RBFOX1: variants seen among roughly 807,000 people sequenced by gnomAD.
The protein encoded by RBFOX1 is RNA binding fox-1 homolog 1.
RBFOX1 carries 8 observed loss-of-function variants against 57.7 expected under a neutral mutation model. The observed-to-expected ratio is 0.14, with a 90% confidence interval of 0.08 to 0.25. The LOEUF (loss-of-function observed/expected upper bound fraction) is 0.25, where lower values mean the gene tolerates loss of function less well. Ranked by LOEUF, RBFOX1 falls within the 10% of genes least tolerant of loss-of-function variation. The pLI is 1.00. For synonymous variants in RBFOX1, 326 were observed against 222.4 expected, an observed-to-expected ratio of 1.47 and a Z score of -4.15; for missense variants, 611 against 548.5, an observed-to-expected ratio of 1.11 and a Z score of -1.14.
chr16:7,104,109 G>C (rs192672741), intron 4 of RBFOX1, among the ~76,000 whole-genome samples: 32 of 152,238 alleles, frequency 2.1e-4, no homozygotes, highest in African/African-American at 7.5e-4. Flanking sequence ...AGTAATTTAA[G>C]AAATATGTAC....
At chr16:5,794,529 T>G (rs866820616) in intron 3 of RBFOX1, among the ~76,000 whole-genome samples, 1 of 152,004 alleles carries the variant, frequency 6.6e-6, no homozygotes, top group Admixed American at 6.6e-5. Flanking sequence ...TGTGTGTGTG[T>G]GGTGTGTGCA....
chr16:6,007,767 T>C (rs1295260421), intron 4 of RBFOX1, among the ~76,000 whole-genome samples: 3 of 152,108 alleles, frequency 2.0e-5, no homozygotes. Flanking sequence ...ACGATGTGTT[T>C]TGAGCTGGAG....
chr16:7,529,934 A>C (rs1488230509), intron 5 of RBFOX1, among the ~76,000 whole-genome samples: 3 of 148,852 alleles, frequency 2.0e-5, no homozygotes, highest in Non-Finnish European at 4.4e-5. Context: ...ACTTGAATGC[A>C]GGAGGCGGAG....
rs1304173065 is a variant in RBFOX1, at chr16:5,503,125, G to T, written c.258+35871G>T. Among the ~76,000 whole-genome samples, 5 of 152,180 alleles carry T rather than the reference G, an allele frequency of 3.3e-5. No individual in the cohort carries two copies. In the East Asian group the frequency reaches 9.6e-4, roughly 29 times the overall value. ...GCAGGCTCTGGAACCACACCCCCAGGGTGGAGCCGCAGTTCTGCCATTGAC... is the reference window on the plus strand; with the variant it reads ...GCAGGCTCTGGAACCACACCCCCAGTGTGGAGCCGCAGTTCTGCCATTGAC... On this transcript the variant is annotated intron_variant, in intron 2 of 2. Coordinates refer to the RBFOX1 transcript ENST00000585867.
intron 1 of RBFOX1, among the ~76,000 whole-genome samples, chr16:5,278,890 G>C (rs1455888529): frequency 6.6e-6 from 1 of 152,164 alleles, no homozygotes; most frequent in African/African-American, 2.4e-5. Context: ...TTGAAAATCA[G>C]TTAGCTGTAA....
rs1197892296 is a variant in RBFOX1, at chr16:5,920,676, G to A, written c.351+53341G>A. On this transcript the variant is annotated intron_variant, in intron 4 of 19. Coordinates refer to the RBFOX1 transcript ENST00000641259. ...AAGTGGGGCAGCGGGGAGACCAGGA[G>A]CGTGCCCAGGTAGGATCCTCGTCCT... 5.3e-5 allele frequency among the ~76,000 whole-genome samples: 8 copies of A among 152,298 alleles called. No homozygotes were observed. In the East Asian group the frequency reaches 5.8e-4, roughly 11 times the overall value.
chr16:7,400,932 C>T (rs2098231463), intron 4 of RBFOX1, among the ~76,000 whole-genome samples: 1 of 152,186 alleles, frequency 6.6e-6, no homozygotes, highest in African/African-American at 2.4e-5. Flanking sequence ...TGAAGTCTCA[C>T]ATACCACCAC....
At chr16:6,052,819 A>AATAATAATG (rs1491110747) in intron 1 of RBFOX1, among the ~76,000 whole-genome samples, 1 of 148,196 alleles carries the variant, frequency 6.7e-6, no homozygotes, top group Non-Finnish European at 1.5e-5. Flanking sequence ...TAATAATAAT[A>AATAATAATG]ATAATAATAA....
intron 3 of RBFOX1, among the ~76,000 whole-genome samples, chr16:5,688,437 C>T (rs1449879582): frequency 1.3e-5 from 2 of 152,180 alleles, no homozygotes; most frequent in Admixed American, 1.3e-4. Flanking sequence ...CCTCATGTTG[C>T]CTGCAAGAAT....
At chr16:6,732,423 C>A (rs1476497534) in intron 3 of RBFOX1, among the ~76,000 whole-genome samples, 1 of 152,224 alleles carries the variant, frequency 6.6e-6, no homozygotes. Context: ...CAAGCACCTG[C>A]ACTGCACCTG....
chr16:5,590,757 G>T (rs2046981556), intron 2 of RBFOX1, among the ~76,000 whole-genome samples: 1 of 152,176 alleles, frequency 6.6e-6, no homozygotes, highest in Non-Finnish European at 1.5e-5. Flanking sequence ...ACAGATCAGT[G>T]GGATTTGCCA....
chr16:6,330,529 T>C (rs11077031), intron 2 of RBFOX1, among the ~76,000 whole-genome samples: 1 of 152,002 alleles, frequency 6.6e-6, no homozygotes, highest in African/African-American at 2.4e-5. Flanking sequence ...CATCTCTTCC[T>C]TACTGGAATT....
At chr16:7,490,819 C>G (rs966917008) in intron 4 of RBFOX1, among the ~76,000 whole-genome samples, 1 of 152,118 alleles carries the variant, frequency 6.6e-6, no homozygotes, top group Non-Finnish European at 1.5e-5. Flanking sequence ...ATAATCAAGT[C>G]CCATCTTACC....
intron 5 of RBFOX1, among the ~76,000 whole-genome samples, chr16:7,530,620 A>G (rs766099688): frequency 2.0e-5 from 3 of 152,236 alleles, no homozygotes; most frequent in Admixed American, 1.3e-4. Context: ...TCCAGTCCCA[A>G]TCATTACTTC....
chr16:6,486,948 C>G (rs28463988), intron 2 of RBFOX1, among the ~76,000 whole-genome samples: 4 of 152,110 alleles, frequency 2.6e-5, no homozygotes, highest in Admixed American at 2.0e-4. Context: ...TGAACCCCCT[C>G]TTCTTGCACG....
At chr16:6,478,777 C>A (rs925400476) in intron 2 of RBFOX1, among the ~76,000 whole-genome samples, 1 of 152,032 alleles carries the variant, frequency 6.6e-6, no homozygotes, top group African/African-American at 2.4e-5. Flanking sequence ...TCAGAACACA[C>A]ACAATCTTTA....
chr16:6,958,477 C>T (rs1036079746), intron 3 of RBFOX1, among the ~76,000 whole-genome samples: 2 of 152,072 alleles, frequency 1.3e-5, no homozygotes, highest in African/African-American at 4.8e-5. Flanking sequence ...ATTTGTGACA[C>T]AAAAGGCGTT....
At chr16:7,026,102 T>G (rs1286875402) in intron 3 of RBFOX1, among the ~76,000 whole-genome samples, 1 of 152,118 alleles carries the variant, frequency 6.6e-6, no homozygotes. Context: ...TGGGCAGGAC[T>G]ATGGTCACAG....
intron 3 of RBFOX1, among the ~76,000 whole-genome samples, chr16:6,932,153 G>C (rs1454567014): frequency 1.3e-5 from 2 of 152,140 alleles, no homozygotes; most frequent in African/African-American, 2.4e-5. Flanking sequence ...ACCCAGCCTG[G>C]AGTGCAGTGG....
Sources: gnomAD v4.1 joint callset for allele counts (sites outside exome capture counted in the v4.1 genomes callset) on GRCh38, gnomAD v4.1.1 for gene constraint, MANE v1.5 for transcripts, NCBI Gene and HGNC (gene_info 2026-07-23, HGNC 2026-07-21) for gene names.